The following NFAT5 variants were observed in gnomAD, a reference collection of about 807,000 sequenced individuals.
The protein encoded by NFAT5 is nuclear factor of activated T cells 5.
NFAT5 carries 31 observed loss-of-function variants against 166.5 expected under a neutral mutation model. The ratio of observed to expected loss-of-function variants is 0.19; its 90% confidence interval spans 0.14 to 0.25. The LOEUF (loss-of-function observed/expected upper bound fraction) is 0.25, where lower values mean the gene tolerates loss of function less well. Among genes scored for constraint, NFAT5 ranks in the 10% least tolerant of loss-of-function variants. The pLI is 1.00. For synonymous variants in NFAT5, 612 were observed against 639.7 expected (o/e 0.96, Z 0.65); for missense variants, 1,449 against 1,821.8 (o/e 0.80, Z 3.72).
At chr16:69,582,781 T>G (rs749921741) in intron 2 of NFAT5, among the ~76,000 whole-genome samples, 1 of 151,940 alleles carries the variant, frequency 6.6e-6, no homozygotes, top group Non-Finnish European at 1.5e-5. Flanking sequence ...TGTAGAAGTT[T>G]TGAAATTAGG....
At chr16:69,667,450 G>C (rs986301376) in intron 7 of NFAT5, among the ~76,000 whole-genome samples, 1 of 148,654 alleles carries the variant, frequency 6.7e-6, no homozygotes. Context: ...TTTCTGACTT[G>C]TACTGTATAA....
chr16:69,690,737 C>G, intron 11 of NFAT5: 1 of 351,934 alleles, frequency 2.8e-6, no homozygotes, highest in South Asian at 5.6e-5. Context: ...AGCTATAGTT[C>G]CAGGCCCATT....
At chr16:69,664,413 T>G (rs2036275153) in intron 7 of NFAT5, among the ~76,000 whole-genome samples, 1 of 152,046 alleles carries the variant, frequency 6.6e-6, no homozygotes. Flanking sequence ...GCCTCCCGAG[T>G]AGCTGGGACT....
At chr16:69,691,185 T>A in intron 12 of NFAT5, 97 bp downstream of exon 12, 1 of 1,157,710 alleles carries the variant, frequency 8.6e-7, no homozygotes, top group Non-Finnish European at 1.2e-6. Context: ...TGGATGCACT[T>A]AATGAATTTT....
intron 7 of NFAT5, among the ~76,000 whole-genome samples, chr16:69,661,585 G>A (rs2036148499): frequency 7.6e-6 from 1 of 131,708 alleles, no homozygotes; most frequent in African/African-American, 2.9e-5. Context: ...GTTCAGATGA[G>A]TGCTTTTTGT....
chr16:69,617,495 CTT>C (rs898627380), intron 2 of NFAT5, among the ~76,000 whole-genome samples: 13 of 142,046 alleles, frequency 9.2e-5, no homozygotes, highest in Non-Finnish European at 4.7e-5. Flanking sequence ...ATTTTCTTTT[CTT>C]TTTTTTTTTT....
chr16:69,626,481 C>A lies in NFAT5; in HGVS notation c.206C>A (p.Thr69Lys). 1.3e-6 allele frequency: 2 copies of A among 1,590,224 alleles called. No homozygotes were observed. The highest frequency in any genetic ancestry group is 1.7e-6 in the Non-Finnish European group (2 of 1,168,878). ...ACATCTGTAGCATCAATGAGTCAGA[C>A]AAGCGGTGGTGAGGCAGGCTCGCCT... is the stretch of plus-strand genomic sequence containing the variant. ...RETSVASMSQ[T>K]SGGEAGSPPP... Residue 69 changes from threonine to lysine, a missense_variant, in exon 3 of 15, where the codon ACA (threonine) becomes AAA (lysine). Thr to Lys is a moderately conservative substitution (Grantham distance 78). Coordinates refer to ENST00000349945, the MANE Select transcript of NFAT5 (RefSeq NM_138713.4).
At chr16:69,597,692 C>T (rs1466113354) in intron 2 of NFAT5, among the ~76,000 whole-genome samples, 1 of 151,788 alleles carries the variant, frequency 6.6e-6, no homozygotes, top group Non-Finnish European at 1.5e-5. Flanking sequence ...CCTGGGTTCA[C>T]ACCATTCTCC....
At chr16:69,588,988 T>C (rs1265850743) in intron 2 of NFAT5, among the ~76,000 whole-genome samples, 6 of 129,440 alleles carry the variant, frequency 4.6e-5, no homozygotes, top group Admixed American at 4.4e-4. Flanking sequence ...TTCTTTTTTT[T>C]TTTTTTTTTT....
intron 1 of NFAT5, among the ~76,000 whole-genome samples, chr16:69,567,762 T>C (rs1036743445): frequency 2.0e-5 from 3 of 152,148 alleles, no homozygotes; most frequent in African/African-American, 7.2e-5. Flanking sequence ...TGAGGTACTT[T>C]AGAAATATTG....
chr16:69,662,255 T>C (rs184938576), intron 7 of NFAT5, among the ~76,000 whole-genome samples: 57 of 152,102 alleles, frequency 3.7e-4, no homozygotes, highest in African/African-American at 1.3e-3. Flanking sequence ...ACAAGTAAAA[T>C]GGGATTTACT....
chr16:69,582,828 G>A (rs2142935530), intron 2 of NFAT5, among the ~76,000 whole-genome samples: 1 of 151,464 alleles, frequency 6.6e-6, no homozygotes, highest in African/African-American at 2.4e-5. Flanking sequence ...TTCTTTTGTA[G>A]GATTGTTTCG....
chr16:69,667,643 A>G (rs1199906412), intron 7 of NFAT5, among the ~76,000 whole-genome samples: 1 of 152,168 alleles, frequency 6.6e-6, no homozygotes, highest in Non-Finnish European at 1.5e-5. Flanking sequence ...ATATGGGAAA[A>G]AGTTTTATCA....
chr16:69,631,297 G>C (rs2034706162), intron 3 of NFAT5, among the ~76,000 whole-genome samples: 1 of 152,088 alleles, frequency 6.6e-6, no homozygotes, highest in Non-Finnish European at 1.5e-5. Flanking sequence ...TGGGCATGGT[G>C]GCAGGCTTCT....
At chr16:69,577,654 C>G (rs1007790186) in intron 2 of NFAT5, among the ~76,000 whole-genome samples, 6 of 152,048 alleles carry the variant, frequency 3.9e-5, no homozygotes, top group African/African-American at 1.4e-4. Context: ...GGATTAACTA[C>G]AAAGGACCAA....
intron 3 of NFAT5, among the ~76,000 whole-genome samples, chr16:69,643,896 T>G (rs956431564): frequency 6.6e-6 from 1 of 152,212 alleles, no homozygotes; most frequent in Non-Finnish European, 1.5e-5. Flanking sequence ...CATTATTAAT[T>G]AATGCACTCA....
chr16:69,677,410 T>A, intron 10 of NFAT5, 75 bp downstream of exon 10: 1 of 1,254,790 alleles, frequency 8.0e-7, no homozygotes, highest in Non-Finnish European at 1.1e-6. Context: ...TGAAGATGAC[T>A]AGCCAACCAA....
At chr16:69,571,983 C>T (rs577883389) in intron 2 of NFAT5, among the ~76,000 whole-genome samples, 3 of 152,062 alleles carry the variant, frequency 2.0e-5, no homozygotes, top group South Asian at 4.1e-4. Flanking sequence ...AGGATGGTCT[C>T]GATCTCCTGA....
chr16:69,632,990 TTATACA>T (rs1290236296), intron 3 of NFAT5, among the ~76,000 whole-genome samples: 1 of 152,204 alleles, frequency 6.6e-6, no homozygotes, highest in Non-Finnish European at 1.5e-5. Context: ...ATACATACAC[TTATACA>T]TATGGATGGT....
Sources: gnomAD v4.1 joint callset for allele counts (sites outside exome capture counted in the v4.1 genomes callset) on GRCh38, gnomAD v4.1.1 for gene constraint, MANE v1.5 for transcripts, NCBI Gene and HGNC (gene_info 2026-07-23, HGNC 2026-07-21) for gene names.